The following GRIP1 variants were observed in gnomAD, a reference collection of about 807,000 sequenced individuals.
GRIP1 encodes glutamate receptor interacting protein 1, also known as glutamate receptor-interacting protein 1.
A neutral mutation model predicts 129.9 loss-of-function variants in GRIP1; 45 were observed. The observed-to-expected ratio is 0.35, with a 90% CI of 0.27 to 0.44. GRIP1 has a LOEUF of 0.44. GRIP1 is among the 20% of genes least tolerant of loss of function. GRIP1 has a pLI of 1.00. For missense variants in GRIP1, 1,196 were observed against 1,396.8 expected, an observed-to-expected ratio of 0.86 and a Z score of 2.29; for synonymous variants, 530 against 520.8, an observed-to-expected ratio of 1.02 and a Z score of -0.24.
intron 1 of GRIP1, among the ~76,000 whole-genome samples, chr12:66,667,185 A>G (rs1445403973): frequency 2.0e-5 from 3 of 151,918 alleles, no homozygotes; most frequent in Non-Finnish European, 4.4e-5. Flanking sequence ...TATTCAATTG[A>G]TCTTCTATGT....
In GRIP1 at chr12:66,753,751, T is replaced by A. The variant is rs1431152970; in HGVS notation, c.-420+50302A>T. ...TTGTGAGATCCTTGAAAGCAGATAC[T>A]ATTTTATTTAACTTTGAATTCTTAA... On this transcript the variant is annotated intron_variant, in intron 1 of 4. Coordinates refer to the GRIP1 transcript ENST00000538373. Among the ~76,000 whole-genome samples the A allele has an allele frequency of 3.9e-5, 6 of 152,210 alleles. No individual in the cohort carries two copies. In the East Asian group the frequency reaches 7.7e-4, roughly 20 times the overall value.
intron 4 of GRIP1, among the ~76,000 whole-genome samples, chr12:66,533,072 T>C (rs2061503054): frequency 1.3e-5 from 2 of 152,170 alleles, no homozygotes; most frequent in South Asian, 2.1e-4. Flanking sequence ...TTTCTAACTA[T>C]TCATGCTTAT....
chr12:66,997,309 C>G (rs142953479), intron 1 of GRIP1, among the ~76,000 whole-genome samples: 1 of 151,724 alleles, frequency 6.6e-6, no homozygotes, highest in African/African-American at 2.4e-5. Context: ...CTGGGAGCCA[C>G]AGCACATGTC....
intron 1 of GRIP1, among the ~76,000 whole-genome samples, chr12:66,962,152 G>A (rs1340860597): frequency 1.3e-5 from 2 of 152,272 alleles, no homozygotes; most frequent in East Asian, 3.9e-4. Flanking sequence ...TGTGGTAGTG[G>A]TGATGCAAGC....
At chr12:66,688,034 G>A (rs2034845745) in intron 1 of GRIP1, among the ~76,000 whole-genome samples, 1 of 152,170 alleles carries the variant, frequency 6.6e-6, no homozygotes, top group Non-Finnish European at 1.5e-5. Flanking sequence ...ATCATACCAA[G>A]ACAGAGGAAA....
At chr12:66,401,715 T>C (rs2057009808) in intron 16 of GRIP1, among the ~76,000 whole-genome samples, 1 of 151,640 alleles carries the variant, frequency 6.6e-6, no homozygotes, top group Non-Finnish European at 1.5e-5. Flanking sequence ...AATGGACATT[T>C]ACAGATGAGG....
intron 1 of GRIP1, among the ~76,000 whole-genome samples, chr12:66,774,286 A>G (rs1030524135): frequency 3.9e-5 from 6 of 152,204 alleles, no homozygotes; most frequent in Non-Finnish European, 7.3e-5. Context: ...CTCAAATGAG[A>G]TCATGTTTTC....
At position 66,371,801 on chromosome 12, in the gene GRIP1, G is replaced by A. The variant is rs376262743; in HGVS notation, c.2905C>T (p.Arg969Trp). 1.9e-5 allele frequency: 31 copies of A among 1,613,966 alleles called. No homozygotes were observed. Among genetic ancestry groups the A allele is most frequent in the Admixed American group, 6.7e-5 (4 of 60,004 alleles). ...ACATCTGAAGGCAGGGTGTTGCTCCGAGTTGTTTGGCTGTAGTGCGGCCGC... is the reference window on the plus strand; with the variant it reads ...ACATCTGAAGGCAGGGTGTTGCTCCAAGTTGTTTGGCTGTAGTGCGGCCGC... The part of the protein sequence containing the change: ...SSRPHYSQTT[R>W]SNTLPSDVGR... Residue 969 changes from arginine to tryptophan, a missense_variant, in exon 23 of 25, where the codon CGG (arginine) becomes TGG (tryptophan). Around this residue, in one of 5 missense-constraint regions of GRIP1, gnomAD observed 427 missense variants for 463.3 expected, o/e 0.92. Transcript: ENST00000359742.
At chr12:66,899,180 G>C (rs2040802027) in intron 1 of GRIP1, among the ~76,000 whole-genome samples, 1 of 151,842 alleles carries the variant, frequency 6.6e-6, no homozygotes, top group African/African-American at 2.4e-5. Context: ...TATCTTCTTT[G>C]ACATTAGCAG....
At chr12:66,534,620 G>A (rs1349183409) in intron 4 of GRIP1, among the ~76,000 whole-genome samples, 5 of 151,680 alleles carry the variant, frequency 3.3e-5, no homozygotes, top group South Asian at 4.2e-4. Flanking sequence ...CTCTTTCTTT[G>A]TCCCTCCTTC....
chr12:66,515,391 C>T (rs1487519929), intron 7 of GRIP1, among the ~76,000 whole-genome samples: 1 of 152,142 alleles, frequency 6.6e-6, no homozygotes, highest in Non-Finnish European at 1.5e-5. Flanking sequence ...GAAACACTGA[C>T]AGAATGAGAC....
chr12:66,590,954 T>C (rs181914636), intron 2 of GRIP1, among the ~76,000 whole-genome samples: 1 of 152,308 alleles, frequency 6.6e-6, no homozygotes, highest in East Asian at 1.9e-4. Context: ...CACAGATTCC[T>C]CACAGAGAAA....
chr12:66,456,388 A>T (rs2058965065), intron 9 of GRIP1, 46 bp from the exon 10 acceptor site: 1 of 1,138,788 alleles, frequency 8.8e-7, no homozygotes, highest in Non-Finnish European at 1.2e-6. Flanking sequence ...ACAAACGAAC[A>T]AACAAAGAAC....
chr12:66,524,975 A>G (rs1014817352), intron 5 of GRIP1, among the ~76,000 whole-genome samples: 2 of 152,180 alleles, frequency 1.3e-5, no homozygotes, highest in Non-Finnish European at 2.9e-5. Context: ...CCAAGACTAA[A>G]CCAGGAAGAA....
At chr12:66,649,247 C>A (rs10878485) in intron 1 of GRIP1, among the ~76,000 whole-genome samples, 55,581 of 152,044 alleles carry the variant, frequency 0.37, 11,308 homozygotes, top group South Asian at 0.52. Flanking sequence ...ATAAAATCCT[C>A]AGGGTGCATG....
At chr12:66,798,750 C>T (rs2038773030) in intron 1 of GRIP1, among the ~76,000 whole-genome samples, 1 of 151,994 alleles carries the variant, frequency 6.6e-6, no homozygotes, top group South Asian at 2.1e-4. Context: ...CAGAAAATCA[C>T]CTATGGTTTT....
At chr12:66,713,444 T>C (rs1393705585) in intron 1 of GRIP1, among the ~76,000 whole-genome samples, 1 of 151,930 alleles carries the variant, frequency 6.6e-6, no homozygotes, top group Non-Finnish European at 1.5e-5. Flanking sequence ...TGCCTGAGAG[T>C]CCCCAGGGTG....
Position 66,379,419 on chromosome 12 carries a change from A to C in GRIP1, c.2482T>G (p.Ser828Ala). 1 of 1,614,156 alleles carries C rather than the reference A, an allele frequency of 6.2e-7. No individual in the cohort carries two copies. The highest frequency in any genetic ancestry group is 1.3e-5 in the African/African-American group (1 of 75,054). Reference sequence around the variant, plus strand: ...TCATAGGTGTTGAAATTGTATCCTGAGGCCTGAAAACTAGTGCCTAAAATA... The same window carrying C: ...TCATAGGTGTTGAAATTGTATCCTGCGGCCTGAAAACTAGTGCCTAAAATA... ...YGTQGTSFQASGYNFNTYDWR... is the reference protein window; with the variant it reads ...YGTQGTSFQAAGYNFNTYDWR... The change falls in exon 20 of 25, where the codon TCA becomes GCA. Residue 828 changes from serine to alanine, a missense_variant. Ser to Ala is a moderately conservative substitution (Grantham distance 99). This residue lies in a region of GRIP1 where 427 missense variants were observed against 463.3 expected (regional missense o/e 0.92). Transcript: ENST00000359742.
rs1223914954 is a variant in GRIP1, at chr12:66,973,903, G to GCTTTT, written c.58+95142_58+95146dup. On this transcript the variant is annotated intron_variant, in intron 1 of 1. Coordinates refer to the GRIP1 transcript ENST00000643019. ...TTTTCCTAGAATACACAGTTAGAAG[G>GCTTTT]CTTTTCTTTTCTTTTCTTTTTTTTT... 9.1e-4 allele frequency among the ~76,000 whole-genome samples: 125 copies of GCTTTT among 137,944 alleles called. 1 individual carries two copies. Among genetic ancestry groups the GCTTTT allele is most frequent in the African/African-American group, 3.1e-3 (118 of 38,004 alleles). 90.5% of individuals were successfully genotyped at this position (137,944 alleles called of 152,430 possible). A position where few individuals can be genotyped will look rare whatever the true frequency, so the allele number is the denominator to read the frequency against.
Sources: allele counts gnomAD v4.1 joint callset (sites outside exome capture counted in the v4.1 genomes callset), GRCh38; gene constraint gnomAD v4.1.1; regional missense constraint gnomAD v4.1.1; transcripts MANE v1.5; gene names NCBI Gene and HGNC (gene_info 2026-07-23, HGNC 2026-07-21).